Variants in SSU72 observed in about 807,000 individuals in gnomAD.
The protein encoded by SSU72 is SSU72 homolog, RNA polymerase II CTD phosphatase.
SSU72 carries 12 observed loss-of-function variants against 22.7 expected under a neutral mutation model. The ratio of observed to expected loss-of-function variants is 0.53; its 90% CI spans 0.34 to 0.86. SSU72 has a LOEUF of 0.86. SSU72 is among the 40% of genes least tolerant of loss of function. The pLI, the probability that SSU72 is intolerant of heterozygous loss-of-function variation, is 0.02. For missense variants in SSU72, 151 were observed against 249.8 expected (o/e 0.60, Z 2.67); for synonymous variants, 116 against 98.3 (o/e 1.18, Z -1.06).
chr1:1,553,611 T>C (rs1373030076), intron 2 of SSU72, among the ~76,000 whole-genome samples: 1 of 54,350 alleles, frequency 1.8e-5, no homozygotes, highest in African/African-American at 8.5e-5. Context: ...CTGTCTCTAC[T>C]AAAAATACAA....
chr1:1,559,697 T>C (rs1437111381), intron 2 of SSU72, among the ~76,000 whole-genome samples: 1 of 151,858 alleles, frequency 6.6e-6, no homozygotes, highest in African/African-American at 2.4e-5. Flanking sequence ...GCAGCTGGGA[T>C]TACAGGCACA....
chr1:1,568,781 A>G (rs1642692822), intron 1 of SSU72, among the ~76,000 whole-genome samples: 2 of 151,732 alleles, frequency 1.3e-5, no homozygotes, highest in Non-Finnish European at 2.9e-5. Context: ...AAAACTAGCC[A>G]GGCGTGGTGG....
intron 2 of SSU72, among the ~76,000 whole-genome samples, chr1:1,553,619 CAAAAAAAAAAA>C (rs59261076): frequency 2.0e-5 from 2 of 100,806 alleles, no homozygotes; most frequent in Admixed American, 1.1e-4. Flanking sequence ...ACTAAAAATA[CAAAAAAAAAAA>C]AAAAAAAAAA....
At position 1,547,118 on chromosome 1, in the gene SSU72, C is replaced by T. The variant is rs556206837; in HGVS notation, c.225-2116G>A. ...AGGGGCAGGTGCAGGGACCGGCTCA[C>T]GGAGAGGAACCGGGGTCAGGGTGCA... On this transcript the variant is annotated intron_variant, in intron 2 of 4. Transcript: ENST00000291386. Among the ~76,000 whole-genome samples the T allele has an allele frequency of 7.8e-4, 119 of 152,214 alleles. 1 individual carries two copies. The highest frequency in any genetic ancestry group is 3.4e-3 in the Middle Eastern group (1 of 294).
chr1:1,564,726 A>C, intron 2 of SSU72, 47 bp downstream of exon 2: 2 of 1,614,226 alleles, frequency 1.2e-6, no homozygotes, highest in Non-Finnish European at 1.7e-6. Flanking sequence ...AACACCTTCC[A>C]GGGAGGACCA....
chr1:1,557,179 G>A lies in SSU72; in HGVS notation c.224+7594C>T, dbSNP rs527338511. Among the ~76,000 whole-genome samples, 6 of 151,486 alleles carry A rather than the reference G, an allele frequency of 4.0e-5. No individual in the cohort carries two copies. In the East Asian group the frequency reaches 5.9e-4, roughly 15 times the overall value. ...TGTAATCCCAGGACTTTGGGTGGCC[G>A]AGGCGGGTGAATCACTTGAGGTCAG... is the stretch of plus-strand genomic sequence containing the variant. On this transcript the variant is annotated intron_variant, in intron 2 of 4. Coordinates refer to ENST00000291386, the MANE Select transcript of SSU72 (RefSeq NM_014188.3).
intron 1 of SSU72, among the ~76,000 whole-genome samples, chr1:1,571,047 C>T (rs190477303): frequency 2.3e-3 from 352 of 152,160 alleles, no homozygotes; most frequent in Non-Finnish European, 4.3e-3. Flanking sequence ...GAGATCGAGG[C>T]CATCTGGCCA....
At chr1:1,574,441 G>A (rs1470402023) in intron 1 of SSU72, 37 bp downstream of exon 1, 2 of 1,568,220 alleles carry the variant, frequency 1.3e-6, no homozygotes, top group Non-Finnish European at 1.7e-6. Context: ...CCGGTCGCCG[G>A]AGCAGAGCGC....
chr1:1,543,782 G>C (rs776429715), intron 4 of SSU72, 87 bp downstream of exon 4: 2 of 1,058,630 alleles, frequency 1.9e-6, no homozygotes, highest in African/African-American at 3.2e-5. Flanking sequence ...CCTCTGTCAC[G>C]GCCTCGGCCA....
intron 2 of SSU72, among the ~76,000 whole-genome samples, chr1:1,547,050 G>A (rs1410915500): frequency 6.6e-6 from 1 of 151,984 alleles, no homozygotes. Context: ...AGAAAAAAAA[G>A]AGCTCAAGAC....
At chr1:1,567,390 A>G (rs779169879) in intron 1 of SSU72, among the ~76,000 whole-genome samples, 15 of 152,346 alleles carry the variant, frequency 9.8e-5, no homozygotes, top group South Asian at 2.1e-4. Context: ...ATGTGGCACA[A>G]TAGCAGCGAT....
rs1470085110 is a variant in SSU72 at position 1,554,033 on chromosome 1, GGTGGCCACGGAGACCACGTGTCA to G, written c.225-9054_225-9032del. On this transcript the variant is annotated intron_variant, in intron 2 of 4. Transcript: ENST00000291386. This position sits in a 1 kb window ranked among gnomAD's most constrained non-coding sequence, Gnocchi z 4.1. Reference sequence around the variant, plus strand: ...AACTCAGCAGGTCCGGGGGACGTCAGGTGGCCACGGAGACCACGTGTCAGTGGCCAGGGCCTCTAAAGAGAAAC... The same window carrying G: ...AACTCAGCAGGTCCGGGGGACGTCAGGTGGCCAGGGCCTCTAAAGAGAAAC... Among the ~76,000 whole-genome samples the G allele has an allele frequency of 6.6e-6, 1 of 152,228 alleles. No homozygotes were observed. The highest frequency in any genetic ancestry group is 1.5e-5 in the Non-Finnish European group (1 of 68,034).
chr1:1,542,089 G>C lies in SSU72; in HGVS notation c.562C>G (p.Leu188Val), dbSNP rs1278058531. Residue 188 changes from leucine to valine, a missense_variant, in exon 5 of 5, where the codon CTG becomes GTG. By Grantham distance (32) the Leu-to-Val change is conservative (BLOSUM62 1). Coordinates refer to ENST00000291386, the MANE Select transcript of SSU72 (RefSeq NM_014188.3). This position sits in a 1 kb window ranked among gnomAD's most constrained non-coding sequence, Gnocchi z 4.4. ...GCTCAGTAGAAGCAGACGGTGTGCA[G>C]AAAGGTGCGGCCACTCTTCTCCTCG... The part of the protein sequence containing the change: ...EFEEKSGRTF[L>V]HTVCFY 1 of 1,588,102 alleles carries C rather than the reference G, an allele frequency of 6.3e-7. No homozygotes were observed. Among genetic ancestry groups the C allele is most frequent in the Non-Finnish European group, 8.6e-7 (1 of 1,167,440 alleles).
In SSU72 at chr1:1,542,908, G is replaced by A. The variant is rs565638445; in HGVS notation, c.484-741C>T. On this transcript the variant is annotated intron_variant, in intron 4 of 4. Transcript: ENST00000291386. The surrounding 1 kb of genome is among the most constrained non-coding windows in gnomAD (Gnocchi z 4.4). ...ACCAGAAGCCATGCTGGGTGGGCCA[G>A]GCGGAGCGCAGGAGCCTCTGCGGCC... Among the ~76,000 whole-genome samples the A allele has an allele frequency of 2.9e-3, 445 of 152,366 alleles. No individual in the cohort carries two copies. Among genetic ancestry groups the A allele is most frequent in the African/African-American group, 9.5e-3 (397 of 41,582 alleles).
intron 1 of SSU72, among the ~76,000 whole-genome samples, chr1:1,569,322 C>T (rs1642701374): frequency 6.6e-6 from 1 of 152,196 alleles, no homozygotes; most frequent in African/African-American, 2.4e-5. Context: ...GCGGAGTCTT[C>T]TGGCGCTGCC....
At chr1:1,558,990 C>CGTTGA (rs1431426287) in intron 2 of SSU72, among the ~76,000 whole-genome samples, 1 of 152,220 alleles carries the variant, frequency 6.6e-6, no homozygotes, top group African/African-American at 2.4e-5. Flanking sequence ...GAAAGCTCAA[C>CGTTGA]TATGGAAAGT....
rs1642787373 is a variant in SSU72, at chr1:1,574,610, G to A, written c.-53C>T. 2.6e-6 allele frequency: 4 copies of A among 1,518,206 alleles called. No homozygotes were observed. The highest frequency in any genetic ancestry group is 3.5e-6 in the Non-Finnish European group (4 of 1,130,008). The allele number at this position is 1,518,206 out of a possible 1,614,324, so 94.0% of individuals were successfully genotyped here. A position where few individuals can be genotyped will look rare whatever the true frequency, so the allele number is the denominator to read the frequency against. ...CCCGCTTGGGTTCCCACCCTACCGC[G>A]GCGCTTCCGCGCGAACAAAATGGCG... On this transcript the variant is annotated 5_prime_UTR_variant, in exon 1 of 5. Transcript: ENST00000291386.
rs1313711705 is a variant in SSU72, at chr1:1,541,815, G to A, written c.*251C>T. 6 of 485,342 alleles carry A rather than the reference G, an allele frequency of 1.2e-5. No individual in the cohort carries two copies. The highest frequency in any genetic ancestry group is 5.7e-4 in the Middle Eastern group (1 of 1,764). The allele number at this position is 485,342 out of a possible 1,614,324, so 30.1% of individuals were successfully genotyped here. ...GTATGTCGGGAAGTGCACACAAACC[G>A]TTGTCTTTCCTTTTTGGTTAAAGAA... On this transcript the variant is annotated 3_prime_UTR_variant, in exon 5 of 5. Transcript: ENST00000291386.
chr1:1,557,932 C>G (rs1182849816), intron 2 of SSU72, among the ~76,000 whole-genome samples: 1 of 152,088 alleles, frequency 6.6e-6, no homozygotes, highest in Non-Finnish European at 1.5e-5. Flanking sequence ...AAACACAGGC[C>G]AGGTGCAGTG....
Sources: gnomAD v4.1 joint callset for allele counts (sites outside exome capture counted in the v4.1 genomes callset) on GRCh38, gnomAD v4.1.1 for gene constraint, Gnocchi (gnomAD v3.1) non-coding constraint, MANE v1.5 for transcripts, NCBI Gene and HGNC (gene_info 2026-07-23, HGNC 2026-07-21) for gene names.